Variants in PTPRG observed in about 807,000 individuals in gnomAD.
The protein encoded by PTPRG is receptor-type tyrosine-protein phosphatase gamma.
In PTPRG, 102 loss-of-function variants were observed where a neutral mutation model predicts 165.3. That is an observed-to-expected ratio of 0.62 (90% confidence interval 0.53 to 0.73). PTPRG has a LOEUF of 0.73. Among genes scored for constraint, PTPRG ranks in the 30% least tolerant of loss-of-function variants. The probability of loss-of-function intolerance (pLI) is 0.00; values close to 1 mark genes in which losing one functional copy is unlikely to be tolerated. For missense variants in PTPRG, 1,866 were observed against 1,861.4 expected, an observed-to-expected ratio of 1.00 and a Z score of -0.05; for synonymous variants, 675 against 669.5, an observed-to-expected ratio of 1.01 and a Z score of -0.13.
intron 16 of PTPRG, among the ~76,000 whole-genome samples, chr3:62,261,490 A>G (rs879903718): frequency 2.6e-5 from 4 of 152,174 alleles, no homozygotes; most frequent in East Asian, 1.9e-4. Context: ...GTTATAAACT[A>G]TGTTAGAACA....
intron 9 of PTPRG, among the ~76,000 whole-genome samples, chr3:62,193,002 AC>A (rs1297713668): frequency 4.6e-5 from 7 of 152,152 alleles, no homozygotes; most frequent in African/African-American, 1.7e-4. Flanking sequence ...CAATTTCCCC[AC>A]TAGACATTGT....
rs373556053 is a variant in PTPRG at position 61,993,438 on chromosome 3, C to G, written c.370+3634C>G. On this transcript the variant is annotated intron_variant, in intron 3 of 29. Transcript: ENST00000474889. ...TGCTCCATGTTGGTCAGGCTGGTCT[C>G]GAACTCCCAACCTCAGGTGATCCGC... Among the ~76,000 whole-genome samples the G allele has an allele frequency of 1.1e-4, 17 of 151,998 alleles. No individual in the cohort carries two copies. The East Asian group carries it at 2.1e-3, about 19-fold the overall frequency.
intron 2 of PTPRG, among the ~76,000 whole-genome samples, chr3:61,878,245 T>C (rs1171379927): frequency 2.6e-5 from 4 of 152,184 alleles, no homozygotes; most frequent in Non-Finnish European, 4.4e-5. Context: ...TTCTGAGTGA[T>C]AGGTCCATTT....
intron 5 of PTPRG, among the ~76,000 whole-genome samples, chr3:62,081,777 C>G (rs967459917): frequency 2.0e-5 from 3 of 152,134 alleles, no homozygotes; most frequent in African/African-American, 4.8e-5. Context: ...TTTTTGCTCT[C>G]TATAAGAATG....
Position 62,247,361 on chromosome 3 carries a change from T to C in PTPRG, c.2467+3463T>C, listed in dbSNP as rs558650389. Among the ~76,000 whole-genome samples the C allele has an allele frequency of 5.9e-5, 9 of 152,250 alleles. No homozygotes were observed. In the South Asian group the frequency reaches 1.0e-3, roughly 18 times the overall value. On this transcript the variant is annotated intron_variant, in intron 15 of 29. Transcript: ENST00000474889. ...TATCTCAAGACTTCAGACTCCTCAT[T>C]TGGATATTGATTCATTAAATCAAGG...
At chr3:61,874,039 G>T (rs147813126) in intron 2 of PTPRG, among the ~76,000 whole-genome samples, 1 of 152,154 alleles carries the variant, frequency 6.6e-6, no homozygotes, top group African/African-American at 2.4e-5. Context: ...TATGGAAGAA[G>T]GAACTGTAAA....
intron 2 of PTPRG, among the ~76,000 whole-genome samples, chr3:61,894,651 T>TA (rs2038303708): frequency 6.6e-6 from 1 of 151,918 alleles, no homozygotes; most frequent in South Asian, 2.1e-4. Context: ...AGATATTAGA[T>TA]ATTAAGTGTC....
intron 1 of PTPRG, 98 bp from the exon 2 acceptor site, chr3:61,748,780 A>G: frequency 2.2e-6 from 2 of 926,156 alleles, no homozygotes; most frequent in Admixed American, 2.2e-5. Flanking sequence ...CTCAAGGACT[A>G]TGATTCTACG....
intron 1 of PTPRG, among the ~76,000 whole-genome samples, chr3:61,741,187 A>G (rs17065252): frequency 0.028 from 4,325 of 152,320 alleles, 198 homozygotes; most frequent in African/African-American, 0.099. Flanking sequence ...AGATTTCACC[A>G]TCCTTGAGGG....
intron 4 of PTPRG, among the ~76,000 whole-genome samples, chr3:62,010,858 G>C (rs1253382590): frequency 6.6e-6 from 1 of 152,052 alleles, no homozygotes; most frequent in African/African-American, 2.4e-5. Context: ...TCAGTTCCTG[G>C]AATTATTACA....
chr3:62,287,074 A>T (rs1048908340), intron 28 of PTPRG, among the ~76,000 whole-genome samples: 4 of 152,166 alleles, frequency 2.6e-5, no homozygotes, highest in Non-Finnish European at 5.9e-5. Context: ...ACCCATGGAA[A>T]GGTGAGAATA....
chr3:61,908,358 G>T (rs917773073), intron 2 of PTPRG, among the ~76,000 whole-genome samples: 7 of 144,248 alleles, frequency 4.9e-5, no homozygotes, highest in Non-Finnish European at 8.9e-5. Context: ...CTGGGAGGCG[G>T]AGTTTGCAGT....
chr3:61,564,570 G>A (rs1466152484), intron 1 of PTPRG, among the ~76,000 whole-genome samples: 1 of 152,222 alleles, frequency 6.6e-6, no homozygotes, highest in Non-Finnish European at 1.5e-5. Context: ...GACAGTGGTG[G>A]GAGGCGCAGG....
At chr3:62,107,719 A>G (rs1196227086) in intron 5 of PTPRG, among the ~76,000 whole-genome samples, 1 of 152,262 alleles carries the variant, frequency 6.6e-6, no homozygotes. Context: ...GTCACGGTCA[A>G]AGATAAAACA....
intron 2 of PTPRG, among the ~76,000 whole-genome samples, chr3:61,838,432 C>A (rs777470967): frequency 6.6e-6 from 1 of 152,276 alleles, no homozygotes; most frequent in East Asian, 1.9e-4. Context: ...TTTAACCTCC[C>A]TGAAGTTTCA....
At chr3:62,248,614 CATTAT>C (rs1322317807) in intron 15 of PTPRG, among the ~76,000 whole-genome samples, 1 of 152,146 alleles carries the variant, frequency 6.6e-6, no homozygotes, top group African/African-American at 2.4e-5. Flanking sequence ...GCATTCACTA[CATTAT>C]ATTATTCTTT....
chr3:61,776,662 T>A (rs1323287629), intron 2 of PTPRG, among the ~76,000 whole-genome samples: 1 of 151,028 alleles, frequency 6.6e-6, no homozygotes, highest in Non-Finnish European at 1.5e-5. Flanking sequence ...TTCTTAATGC[T>A]CTCTGCTTGC....
At chr3:61,702,083 A>G (rs1200748624) in intron 1 of PTPRG, among the ~76,000 whole-genome samples, 1 of 152,098 alleles carries the variant, frequency 6.6e-6, no homozygotes, top group Non-Finnish European at 1.5e-5. Flanking sequence ...GGTTCAAGTG[A>G]TTCTCCTGCC....
At chr3:62,165,552 G>A (rs1032738028) in intron 7 of PTPRG, among the ~76,000 whole-genome samples, 2 of 151,928 alleles carry the variant, frequency 1.3e-5, no homozygotes, top group Admixed American at 6.5e-5. Context: ...AGAATAGGAA[G>A]GCAGGCAGAT....
Sources: gnomAD v4.1 joint callset for allele counts (sites outside exome capture counted in the v4.1 genomes callset) on GRCh38, gnomAD v4.1.1 for gene constraint, MANE v1.5 for transcripts, NCBI Gene and HGNC (gene_info 2026-07-23, HGNC 2026-07-21) for gene names.